Variants in FANCA observed in about 807,000 individuals in gnomAD.
The protein encoded by FANCA is FA complementation group A.
FANCA carries 236 observed loss-of-function variants against 194.3 expected under a neutral mutation model. The observed-to-expected ratio is 1.21, with a 90% CI of 1.09 to 1.35. FANCA has a LOEUF of 1.35. Ranked by LOEUF, FANCA falls within the 40% of genes most tolerant of loss-of-function variation. The pLI, the probability that FANCA is intolerant of heterozygous loss-of-function variation, is 0.00. For missense variants in FANCA, 2,628 were observed against 1,813.9 expected (o/e 1.45, Z -8.15); for synonymous variants, 1,014 against 715.8 (o/e 1.42, Z -6.65).
Position 89,787,356 on chromosome 16 carries a change from T to C in FANCA, c.1360-2392A>G, listed in dbSNP as rs563471160. Among the ~76,000 whole-genome samples the C allele has an allele frequency of 5.5e-4, 83 of 152,208 alleles. 1 individual carries two copies. The highest frequency in any genetic ancestry group is 2.2e-4 in the Non-Finnish European group (15 of 68,008). Reference sequence around the variant, plus strand: ...GGCTAACCCGGTGAAACCCTGTCTCTACTAAAAATACAAAAAATTAGCCGT... The same window carrying C: ...GGCTAACCCGGTGAAACCCTGTCTCCACTAAAAATACAAAAAATTAGCCGT... On this transcript the variant is annotated intron_variant, in intron 14 of 42. Transcript: ENST00000389301.
In FANCA at chr16:89,767,213, G is replaced by C. The variant is rs1247378731; in HGVS notation, c.2529C>G (p.Tyr843Ter). ...ACTGGGAAGAAAACTTGCAGAGAGA[G>C]TAAGAAATTGCTGCTGTACAAAATC... Reference protein sequence around the residue: ...CLKFCTAAISYSLCKFSSQSR... With the variant: ...CLKFCTAAIS Residue 843 changes from tyrosine (Y) to a stop codon, truncating the protein, a stop_gained, in exon 27 of 43, where the codon TAC becomes TAG. Transcript: ENST00000389301. LOFTEE classifies it high-confidence loss of function. 1.9e-6 allele frequency: 3 copies of C among 1,613,000 alleles called. No individual in the cohort carries two copies. In the Admixed American group the frequency reaches 5.0e-5, roughly 27 times the overall value.
Position 89,737,771 on chromosome 16 carries a change from C to T in FANCA, c.*830G>A. ...TCGTCCCCCCGGGAGGTTGGAGCAT[C>T]AGGGGCCTGGACTCACTGGACTCTC... On this transcript the variant is annotated 3_prime_UTR_variant, in exon 43 of 43. Transcript: ENST00000389301. 1.2e-6 allele frequency: 2 copies of T among 1,612,698 alleles called. No homozygotes were observed. The highest frequency in any genetic ancestry group is 1.7e-6 in the Non-Finnish European group (2 of 1,178,896).
chr16:89,794,918 G>C (rs1479125516), intron 11 of FANCA, among the ~76,000 whole-genome samples: 1 of 152,198 alleles, frequency 6.6e-6, no homozygotes, highest in East Asian at 1.9e-4. Context: ...CCAGCAGAAA[G>C]ATAACGTGAG....
chr16:89,742,676 A>AAAAAAAAAAAAAATT, intron 37 of FANCA, 124 bp downstream of exon 37: 1 of 756,146 alleles, frequency 1.3e-6, no homozygotes, highest in Non-Finnish European at 2.0e-6. Flanking sequence ...AAAAAAAAAA[A>AAAAAAAAAAAAAATT]GTCTTGCTCC....
intron 29 of FANCA, among the ~76,000 whole-genome samples, chr16:89,759,936 T>C (rs909027534): frequency 6.7e-6 from 1 of 149,726 alleles, no homozygotes; most frequent in South Asian, 2.1e-4. Context: ...GTGCGGGACC[T>C]GGGTGCTCCA....
At chr16:89,798,693 G>C in intron 10 of FANCA, 1 of 1,293,978 alleles carries the variant, frequency 7.7e-7, no homozygotes, top group Non-Finnish European at 9.9e-7. Context: ...GAGAGAAAAA[G>C]CTAATAGGGC....
At chr16:89,756,560 G>A (rs988727024) in intron 30 of FANCA, among the ~76,000 whole-genome samples, 1 of 152,184 alleles carries the variant, frequency 6.6e-6, no homozygotes, top group Non-Finnish European at 1.5e-5. Context: ...AGGAGGTCGA[G>A]GCTGCAGTGG....
intron 17 of FANCA, 60 bp downstream of exon 17, chr16:89,782,798 AC>A: frequency 1.4e-6 from 2 of 1,453,938 alleles, no homozygotes; most frequent in Non-Finnish European, 1.9e-6. Flanking sequence ...GTCAAAAGAA[AC>A]TGGACCTTTG....
Position 89,811,180 on chromosome 16 carries a change from T to C in FANCA, c.284-109A>G, listed in dbSNP as rs546349353. On this transcript the variant is annotated intron_variant, in intron 3 of 42. Coordinates refer to ENST00000389301, the MANE Select transcript of FANCA (RefSeq NM_000135.4). ...ATTTTAAGATGCAGCACAAAAAAAATTGCCTTTTAAACGGGGAGAATAGAT... is the reference window on the plus strand; with the variant it reads ...ATTTTAAGATGCAGCACAAAAAAAACTGCCTTTTAAACGGGGAGAATAGAT... 214 of 1,447,564 alleles carry C rather than the reference T, an allele frequency of 1.5e-4. No homozygotes were observed. The African/African-American group carries it at 1.7e-3, about 11-fold the overall frequency. 89.7% of individuals were successfully genotyped at this position (1,447,564 alleles called of 1,614,324 possible).
At chr16:89,799,837 C>CA (rs369370199) in intron 8 of FANCA, among the ~76,000 whole-genome samples, 199 bp from the exon 9 acceptor site, 7 of 152,280 alleles carry the variant, frequency 4.6e-5, no homozygotes, top group African/African-American at 1.7e-4. Flanking sequence ...ACTAAAAATA[C>CA]AAAAAATTAG....
chr16:89,804,711 T>C (rs1055326393), intron 7 of FANCA, among the ~76,000 whole-genome samples: 3 of 152,156 alleles, frequency 2.0e-5, no homozygotes, highest in African/African-American at 7.2e-5. Flanking sequence ...TGGGGGGACA[T>C]TACAGTCCCA....
At chr16:89,813,017 AGC>A (rs1334940650) in intron 3 of FANCA, among the ~76,000 whole-genome samples, 2 of 145,034 alleles carry the variant, frequency 1.4e-5, no homozygotes, top group African/African-American at 5.2e-5. Context: ...TGGGCGACAG[AGC>A]AACACTTCGT....
intron 7 of FANCA, among the ~76,000 whole-genome samples, chr16:89,804,101 A>C (rs2040551145): frequency 6.6e-6 from 1 of 152,206 alleles, no homozygotes; most frequent in South Asian, 2.1e-4. Context: ...TGAAATCCAC[A>C]AGATTTTCTA....
chr16:89,808,285 G>A lies in FANCA; in HGVS notation c.596+9C>T. On this transcript the variant is annotated intron_variant, in intron 6 of 42. Coordinates refer to ENST00000389301, the MANE Select transcript of FANCA (RefSeq NM_000135.4). ...AAACAGTAACACTGAATCATCATTA[G>A]CACGCTACCTTTCCAGCAGCTCTTG... is the stretch of plus-strand genomic sequence containing the variant. 6.2e-7 allele frequency: 1 copy of A among 1,612,796 alleles called. No homozygotes were observed. The highest frequency in any genetic ancestry group is 8.5e-7 in the Non-Finnish European group (1 of 1,178,880).
chr16:89,768,382 T>C (rs568206986), intron 26 of FANCA, among the ~76,000 whole-genome samples: 4 of 152,298 alleles, frequency 2.6e-5, no homozygotes, highest in African/African-American at 9.6e-5. Context: ...CTAATACATA[T>C]TTGAGCTGGG....
intron 39 of FANCA, 109 bp from the exon 40 acceptor site, chr16:89,739,662 G>C: frequency 6.6e-7 from 1 of 1,508,728 alleles, no homozygotes; most frequent in Admixed American, 2.0e-5. Flanking sequence ...CTGGCTGTGG[G>C]GATAGTGTGG....
At position 89,746,697 on chromosome 16, in the gene FANCA, G is replaced by A; in HGVS notation, c.3409-9C>T. 6.2e-7 allele frequency: 1 copy of A among 1,613,218 alleles called. No individual in the cohort carries two copies. Among genetic ancestry groups the A allele is most frequent in the Non-Finnish European group, 8.5e-7 (1 of 1,179,220 alleles). On this transcript the variant is annotated splice_polypyrimidine_tract_variant and intron_variant, in intron 34 of 42. Coordinates refer to ENST00000389301, the MANE Select transcript of FANCA (RefSeq NM_000135.4). ...CAGGCGTTCAGGAGGCCCTGCAGGAGAGAACGCAGCAGGAGGTCAGCGGTT... is the reference window on the plus strand; with the variant it reads ...CAGGCGTTCAGGAGGCCCTGCAGGAAAGAACGCAGCAGGAGGTCAGCGGTT...
chr16:89,798,504 T>A (rs1324499414), intron 10 of FANCA: 21 of 1,101,952 alleles, frequency 1.9e-5, no homozygotes, highest in Admixed American at 1.8e-4. Flanking sequence ...CTGGAAACAG[T>A]GGCAAATTCT....
At chr16:89,789,312 G>C (rs2039994070) in intron 14 of FANCA, among the ~76,000 whole-genome samples, 1 of 151,680 alleles carries the variant, frequency 6.6e-6, no homozygotes, top group African/African-American at 2.4e-5. Flanking sequence ...GGCCTGGGGG[G>C]GGAGCAGGCA....
Sources: gnomAD v4.1 joint callset for allele counts (sites outside exome capture counted in the v4.1 genomes callset) on GRCh38, gnomAD v4.1.1 for gene constraint, MANE v1.5 for transcripts, NCBI Gene and HGNC (gene_info 2026-07-23, HGNC 2026-07-21) for gene names.